The following EPB41 variants were observed in gnomAD, a reference collection of about 807,000 sequenced individuals.
EPB41 encodes the protein erythrocyte membrane protein band 4.1.
In EPB41, 65 loss-of-function variants were observed where a neutral mutation model predicts 108.0. The observed-to-expected ratio is 0.60, with a 90% confidence interval of 0.49 to 0.74. The LOEUF is 0.74. Ranked by LOEUF, EPB41 falls within the 30% of genes least tolerant of loss-of-function variation. The pLI is 0.00. For synonymous variants in EPB41, 336 were observed against 358.9 expected (o/e 0.94, Z 0.72); for missense variants, 875 against 1,037.0 (o/e 0.84, Z 2.15).
chr1:29,034,970 G>GTTT (rs1638834675), intron 9 of EPB41, among the ~76,000 whole-genome samples: 1 of 109,230 alleles, frequency 9.2e-6, no homozygotes, highest in Non-Finnish European at 1.9e-5. Context: ...TTGTTTGTTT[G>GTTT]TTGTTTTTTT....
chr1:29,078,235 G>A (rs1461574330), intron 16 of EPB41, among the ~76,000 whole-genome samples: 1 of 152,060 alleles, frequency 6.6e-6, no homozygotes, highest in Admixed American at 6.6e-5. Context: ...AAGAAAAAGA[G>A]GGGGTGAGAT....
At chr1:29,043,737 A>G (rs1281412224) in intron 11 of EPB41, among the ~76,000 whole-genome samples, 1 of 152,186 alleles carries the variant, frequency 6.6e-6, no homozygotes, top group Non-Finnish European at 1.5e-5. Context: ...GAGTGATGCA[A>G]TCTGAATCCC....
chr1:29,088,604 A>G (rs756117962), intron 16 of EPB41, among the ~76,000 whole-genome samples: 1 of 152,134 alleles, frequency 6.6e-6, no homozygotes, highest in Non-Finnish European at 1.5e-5. Flanking sequence ...AGAATTCTTT[A>G]CTGATATTAA....
chr1:29,033,360 A>AG, intron 9 of EPB41, 115 bp downstream of exon 9: 2 of 1,221,088 alleles, frequency 1.6e-6, no homozygotes, highest in South Asian at 1.3e-5. Flanking sequence ...TTAACTATTG[A>AG]AGGGCTGATA....
At chr1:28,891,538 A>T (rs1240445202) in intron 1 of EPB41, among the ~76,000 whole-genome samples, 1 of 152,220 alleles carries the variant, frequency 6.6e-6, no homozygotes, top group Non-Finnish European at 1.5e-5. Context: ...CCCTGAGGAC[A>T]CACGAGAGTC....
chr1:29,028,716 TC>T (rs2096751992), intron 7 of EPB41, among the ~76,000 whole-genome samples: 1 of 152,174 alleles, frequency 6.6e-6, no homozygotes. Context: ...ATTATTGTAC[TC>T]TTTAAACTTC....
intron 1 of EPB41, among the ~76,000 whole-genome samples, chr1:28,917,385 A>T (rs1405358059): frequency 6.6e-6 from 1 of 151,990 alleles, no homozygotes; most frequent in Non-Finnish European, 1.5e-5. Flanking sequence ...GATTTAAGCA[A>T]TTCTCCTGGC....
chr1:28,948,906 G>A (rs1225293283), intron 1 of EPB41, among the ~76,000 whole-genome samples: 1 of 151,978 alleles, frequency 6.6e-6, no homozygotes, highest in East Asian at 1.9e-4. Context: ...CCAAGATCAC[G>A]CCAACTGCAC....
chr1:29,068,332 TG>T (rs1649443306), intron 16 of EPB41, among the ~76,000 whole-genome samples: 1 of 152,242 alleles, frequency 6.6e-6, no homozygotes, highest in South Asian at 2.1e-4. Flanking sequence ...GGTCCTCTCT[TG>T]GATGAGGCTG....
chr1:28,964,160 C>T (rs1042882425), intron 1 of EPB41, among the ~76,000 whole-genome samples: 2 of 152,178 alleles, frequency 1.3e-5, no homozygotes, highest in South Asian at 2.1e-4. Context: ...TAATGGCAGG[C>T]TTGGTGGGGT....
intron 1 of EPB41, among the ~76,000 whole-genome samples, chr1:28,973,311 T>C (rs1367949844): frequency 6.6e-6 from 1 of 152,118 alleles, no homozygotes; most frequent in Admixed American, 6.5e-5. Context: ...CTGGTGTCCT[T>C]GGGGATATTG....
intron 1 of EPB41, among the ~76,000 whole-genome samples, chr1:28,933,747 G>A (rs1246119864): frequency 1.3e-5 from 2 of 152,054 alleles, no homozygotes; most frequent in Non-Finnish European, 2.9e-5. Context: ...TTTTTGGGAA[G>A]AATACAGAGG....
At chr1:28,984,027 G>A (rs1201779399) in intron 1 of EPB41, among the ~76,000 whole-genome samples, 1 of 141,778 alleles carries the variant, frequency 7.1e-6, no homozygotes, top group African/African-American at 2.5e-5. Context: ...GCTGAAAAGG[G>A]GCCGGGGGTG....
At chr1:28,915,292 T>G (rs1275994532) in intron 1 of EPB41, among the ~76,000 whole-genome samples, 1 of 152,156 alleles carries the variant, frequency 6.6e-6, no homozygotes, top group African/African-American at 2.4e-5. Flanking sequence ...TTGAAAAACA[T>G]GTTCCCCCTT....
chr1:29,062,673 C>T (rs1646751662), intron 15 of EPB41, among the ~76,000 whole-genome samples: 1 of 150,812 alleles, frequency 6.6e-6, no homozygotes, highest in Admixed American at 6.6e-5. Flanking sequence ...TTTAAGCATC[C>T]CTCCTCCCCC....
upstream of EPB41, chr1:28,911,031 T>C: frequency 1.0e-6 from 1 of 985,398 alleles, no homozygotes; most frequent in Non-Finnish European, 1.2e-6. Flanking sequence ...TGGTACCTGA[T>C]GGCAGTCTCT....
chr1:29,050,226 T>C (rs1311731649), intron 11 of EPB41, among the ~76,000 whole-genome samples: 6 of 152,378 alleles, frequency 3.9e-5, no homozygotes, highest in African/African-American at 1.4e-4. Context: ...TGTAATGTTA[T>C]TATTTTTCCA....
At chr1:28,910,538 G>T (rs2092185125), upstream of EPB41, among the ~76,000 whole-genome samples, 1 of 152,050 alleles carries the variant, frequency 6.6e-6, no homozygotes, top group Non-Finnish European at 1.5e-5. Context: ...CCACGTCCCA[G>T]ATTTGGGTAT....
At chr1:28,924,079 C>CA (rs994887497) in intron 1 of EPB41, among the ~76,000 whole-genome samples, 7 of 152,210 alleles carry the variant, frequency 4.6e-5, no homozygotes, top group African/African-American at 1.7e-4. Context: ...TGAGAACACT[C>CA]AGGCAGTCTG....
Sources: gnomAD v4.1 joint callset for allele counts (sites outside exome capture counted in the v4.1 genomes callset) on GRCh38, gnomAD v4.1.1 for gene constraint, MANE v1.5 for transcripts, NCBI Gene and HGNC (gene_info 2026-07-23, HGNC 2026-07-21) for gene names.